Variants in TMEM33 observed in about 807,000 individuals in gnomAD.
The protein encoded by TMEM33 is transmembrane protein 33.
TMEM33 carries 16 observed loss-of-function variants against 29.7 expected under a neutral mutation model. That is an observed-to-expected ratio of 0.54 (90% confidence interval 0.36 to 0.82). The LOEUF (loss-of-function observed/expected upper bound fraction) is 0.82, where lower values mean the gene tolerates loss of function less well. Ranked by LOEUF, TMEM33 falls within the 40% of genes least tolerant of loss-of-function variation. The pLI is 0.00. For missense variants in TMEM33, 252 were observed against 295.3 expected, an observed-to-expected ratio of 0.85 and a Z score of 1.08; for synonymous variants, 112 against 109.4, an observed-to-expected ratio of 1.02 and a Z score of -0.15.
intron 6 of TMEM33, 34 bp from the exon 7 acceptor site, chr4:41,954,036 T>C (rs1260260363): frequency 7.5e-6 from 12 of 1,608,832 alleles, no homozygotes; most frequent in Non-Finnish European, 2.5e-6. Context: ...GCTTTTTCCT[T>C]GTGTTTCTCA....
chr4:41,935,230 A>G, upstream of TMEM33: 1 of 581,500 alleles, frequency 1.7e-6, no homozygotes, highest in Non-Finnish European at 3.1e-6. Flanking sequence ...GTCTTTCTGG[A>G]AACACCGCTT....
rs750862386 is a variant in TMEM33, at chr4:41,958,700, CTTTTTTTTTTT to C, written c.*4517_*4527del. The C allele has an allele frequency of 2.1e-5, 2 of 93,790 alleles. No homozygotes were observed. The highest frequency in any genetic ancestry group is 2.8e-4 in the East Asian group (1 of 3,536). The allele number at this position is 93,790 out of a possible 1,614,324, so 5.8% of individuals were successfully genotyped here. On this transcript the variant is annotated 3_prime_UTR_variant, in exon 7 of 7. Coordinates refer to ENST00000504986, the MANE Select transcript of TMEM33 (RefSeq NM_018126.3). ...GTAGAGACAACTAGTTTCTCTCGCT[CTTTTTTTTTTT>C]TTTTTTTTTTTTTTTGAGACAGATT...
chr4:41,957,674 A>G lies in TMEM33; in HGVS notation c.*3475A>G, dbSNP rs1383296051. 6.6e-6 allele frequency: 1 copy of G among 152,012 alleles called. No individual in the cohort carries two copies. The highest frequency in any genetic ancestry group is 1.9e-4 in the East Asian group (1 of 5,186). 9.4% of individuals were successfully genotyped at this position (152,012 alleles called of 1,614,324 possible). On this transcript the variant is annotated 3_prime_UTR_variant, in exon 7 of 7. Transcript: ENST00000504986. Reference sequence around the variant, plus strand: ...GAGGTAAAGAACCTTAACTAATGCTAAGGAGTTTATTTTGATTAACATAGG... The same window carrying G: ...GAGGTAAAGAACCTTAACTAATGCTGAGGAGTTTATTTTGATTAACATAGG...
At chr4:41,945,083 A>G (rs1017087164) in intron 5 of TMEM33, among the ~76,000 whole-genome samples, 157 bp downstream of exon 5, 5 of 152,200 alleles carry the variant, frequency 3.3e-5, no homozygotes, top group African/African-American at 1.2e-4. Context: ...TGTCATTTAT[A>G]GTAGAGAACT....
intron 6 of TMEM33, among the ~76,000 whole-genome samples, chr4:41,950,649 C>A (rs1447894622): frequency 6.6e-6 from 1 of 152,032 alleles, no homozygotes; most frequent in African/African-American, 2.4e-5. Flanking sequence ...GACATTCGTT[C>A]TTAGTGAGTC....
chr4:41,949,208 T>C (rs1712927038), intron 5 of TMEM33, 94 bp from the exon 6 acceptor site: 2 of 735,562 alleles, frequency 2.7e-6, no homozygotes, highest in South Asian at 3.9e-5. Flanking sequence ...TGAATGAAGA[T>C]ACACATATTC....
chr4:41,935,157 C>T (rs938687114), upstream of TMEM33: 8 of 455,286 alleles, frequency 1.8e-5, no homozygotes, highest in Non-Finnish European at 2.8e-5. Flanking sequence ...TCGGCAATAA[C>T]CTGGAGCCGG....
chr4:41,945,030 A>G, intron 5 of TMEM33, 104 bp downstream of exon 5: 2 of 1,405,242 alleles, frequency 1.4e-6, no homozygotes, highest in African/African-American at 1.4e-5. Flanking sequence ...AGGTATTGAC[A>G]TGTAGAGCTA....
chr4:41,935,530 G>A lies in TMEM33; in HGVS notation c.45+1G>A, dbSNP rs752777334. 1.6e-5 allele frequency: 25 copies of A among 1,606,172 alleles called. No individual in the cohort carries two copies. Among genetic ancestry groups the A allele is most frequent in the Non-Finnish European group, 2.1e-5 (25 of 1,176,454 alleles). ...CGGCCCCCAAGGGGCGGGCGCTGTG[G>A]TAAGTGCGAGGGCAGGGTAGTCTGG... On this transcript the variant is annotated splice_donor_variant, in intron 1 of 6. Transcript: ENST00000504986. LOFTEE classifies it high-confidence loss of function.
At chr4:41,935,401 G>A, upstream of TMEM33, 1 of 1,446,520 alleles carries the variant, frequency 6.9e-7, no homozygotes, top group Admixed American at 2.0e-5. Flanking sequence ...CCGGTACCCG[G>A]GTCCTGGCCC....
In TMEM33 at chr4:41,960,435, A is replaced by G. The variant is rs1713422502; in HGVS notation, c.*6236A>G. 1 of 152,106 alleles carries G rather than the reference A, an allele frequency of 6.6e-6. No individual in the cohort carries two copies. The highest frequency in any genetic ancestry group is 2.4e-5 in the African/African-American group (1 of 41,428). The allele number at this position is 152,106 out of a possible 1,614,324, so 9.4% of individuals were successfully genotyped here. A position where few individuals can be genotyped will look rare whatever the true frequency, so the allele number is the denominator to read the frequency against. On this transcript the variant is annotated 3_prime_UTR_variant, in exon 7 of 7. Coordinates refer to ENST00000504986, the MANE Select transcript of TMEM33 (RefSeq NM_018126.3). ...ATTTATTGTGACCCTTTTTCACTGT[A>G]TATGCTTTGTATGTCTAATATTTAT...
chr4:41,957,358 A>G lies in TMEM33; in HGVS notation c.*3159A>G, dbSNP rs1036260751. On this transcript the variant is annotated 3_prime_UTR_variant, in exon 7 of 7. Coordinates refer to ENST00000504986, the MANE Select transcript of TMEM33 (RefSeq NM_018126.3). ...ACTTTTTAAAGAAAATTAGACTTGA[A>G]TATTTAAGAATGTCCCTTACAGAGA... 2 of 151,232 alleles carry G rather than the reference A, an allele frequency of 1.3e-5. No homozygotes were observed. The highest frequency in any genetic ancestry group is 4.9e-5 in the African/African-American group (2 of 41,022). 9.4% of individuals were successfully genotyped at this position (151,232 alleles called of 1,614,324 possible). A position where few individuals can be genotyped will look rare whatever the true frequency, so the allele number is the denominator to read the frequency against.
chr4:41,949,780 G>T (rs1712959087), intron 6 of TMEM33, among the ~76,000 whole-genome samples: 3 of 152,102 alleles, frequency 2.0e-5, no homozygotes, highest in African/African-American at 7.2e-5. Context: ...TATCAGTACT[G>T]CAGTCCACAG....
At chr4:41,944,678 C>T (rs1712700082) in intron 4 of TMEM33, 115 bp from the exon 5 acceptor site, 5 of 1,188,250 alleles carry the variant, frequency 4.2e-6, no homozygotes, top group Non-Finnish European at 1.2e-6. Flanking sequence ...CCATCATTTC[C>T]AAAGTAGTAT....
chr4:41,943,678 C>A, intron 3 of TMEM33, 69 bp from the exon 4 acceptor site: 1 of 1,367,804 alleles, frequency 7.3e-7, no homozygotes, highest in Non-Finnish European at 1.0e-6. Context: ...TATATTTGGA[C>A]ATAATACATA....
Position 41,954,386 on chromosome 4 carries a change from A to G in TMEM33, c.*187A>G, listed in dbSNP as rs1713172508. 4.7e-6 allele frequency: 3 copies of G among 641,202 alleles called. No individual in the cohort carries two copies. Among genetic ancestry groups the G allele is most frequent in the Non-Finnish European group, 7.3e-6 (3 of 408,756 alleles). The allele number at this position is 641,202 out of a possible 1,614,324, so 39.7% of individuals were successfully genotyped here. On this transcript the variant is annotated 3_prime_UTR_variant, in exon 7 of 7. Transcript: ENST00000504986. ...AATCAAGCTTAAAAAGTTTTGAGAA[A>G]ATTTTACTGCGCTGTGTTGCTAATG... is the stretch of plus-strand genomic sequence containing the variant.
chr4:41,940,947 G>A lies in TMEM33; in HGVS notation c.328+1564G>A, dbSNP rs536640238. Reference sequence around the variant, plus strand: ...CTTCCCACACATTGGCTAGTAAGTAGTAATGCTGAAAAAGTCTTTCTAACT... The same window carrying A: ...CTTCCCACACATTGGCTAGTAAGTAATAATGCTGAAAAAGTCTTTCTAACT... On this transcript the variant is annotated intron_variant, in intron 3 of 6. Coordinates refer to ENST00000504986, the MANE Select transcript of TMEM33 (RefSeq NM_018126.3). Among the ~76,000 whole-genome samples, 9 of 152,068 alleles carry A rather than the reference G, an allele frequency of 5.9e-5. No homozygotes were observed. In the South Asian group the frequency reaches 1.9e-3, roughly 32 times the overall value.
upstream of TMEM33, chr4:41,935,316 C>G: frequency 1.3e-6 from 1 of 744,292 alleles, no homozygotes; most frequent in South Asian, 1.6e-5. Flanking sequence ...ACCAGGCGAG[C>G]GAGACCCTTC....
chr4:41,937,472 AT>A (rs1179001226), intron 1 of TMEM33, among the ~76,000 whole-genome samples: 1 of 152,120 alleles, frequency 6.6e-6, no homozygotes, highest in East Asian at 1.9e-4. Flanking sequence ...ATGTACTTGG[AT>A]TTTTCCCTCA....
Sources: gnomAD v4.1 joint callset for allele counts (sites outside exome capture counted in the v4.1 genomes callset) on GRCh38, gnomAD v4.1.1 for gene constraint, MANE v1.5 for transcripts, NCBI Gene and HGNC (gene_info 2026-07-23, HGNC 2026-07-21) for gene names.